DGKG: variants seen among roughly 807,000 people sequenced by gnomAD.
DGKG encodes the protein DAG kinase gamma.
In DGKG, 78 loss-of-function variants were observed where a neutral mutation model predicts 105.3. The observed-to-expected ratio is 0.74, with a 90% CI of 0.62 to 0.89. The LOEUF (loss-of-function observed/expected upper bound fraction) is 0.89. Ranked by LOEUF, DGKG falls within the 40% of genes least tolerant of loss-of-function variation. The pLI is 0.00. For synonymous variants in DGKG, 346 were observed against 367.1 expected, an observed-to-expected ratio of 0.94 and a Z score of 0.66; for missense variants, 958 against 1,020.1, an observed-to-expected ratio of 0.94 and a Z score of 0.83.
At chr3:186,309,887 G>A (rs1030111757) in intron 2 of DGKG, among the ~76,000 whole-genome samples, 58 of 151,546 alleles carry the variant, frequency 3.8e-4, no homozygotes, top group African/African-American at 9.0e-4. Flanking sequence ...TCATATGTTC[G>A]CATAAAATAA....
intron 21 of DGKG, among the ~76,000 whole-genome samples, chr3:186,198,067 G>A (rs2108508666): frequency 6.6e-6 from 1 of 152,306 alleles, no homozygotes; most frequent in Admixed American, 6.5e-5. Context: ...ACAGTTCCTG[G>A]CATGTCTTAC....
intron 2 of DGKG, chr3:186,313,652 C>T (rs1186558121): frequency 3.7e-6 from 1 of 266,794 alleles, no homozygotes; most frequent in African/African-American, 2.3e-5. Flanking sequence ...TACTGATTCA[C>T]AGTCTGCATT....
At chr3:186,243,009 A>C (rs571981630) in intron 19 of DGKG, among the ~76,000 whole-genome samples, 1 of 151,884 alleles carries the variant, frequency 6.6e-6, no homozygotes, top group African/African-American at 2.4e-5. Context: ...GAATATTTTG[A>C]CTCACAATTA....
At chr3:186,208,169 G>A (rs1162871811) in intron 21 of DGKG, among the ~76,000 whole-genome samples, 1 of 151,924 alleles carries the variant, frequency 6.6e-6, no homozygotes, top group Non-Finnish European at 1.5e-5. Context: ...AGCCTCCCAA[G>A]TAGCTGGTAT....
intron 10 of DGKG, among the ~76,000 whole-genome samples, chr3:186,272,689 C>G (rs949957650): frequency 6.6e-6 from 1 of 152,082 alleles, no homozygotes; most frequent in Admixed American, 6.5e-5. Flanking sequence ...ATTGCATGCC[C>G]GGGACATTGG....
chr3:186,285,074 A>T (rs1466251187), intron 6 of DGKG, among the ~76,000 whole-genome samples: 1 of 152,214 alleles, frequency 6.6e-6, no homozygotes, highest in Non-Finnish European at 1.5e-5. Context: ...TGAGCATAGA[A>T]AGTGTAGAGT....
Position 186,284,817 on chromosome 3 carries a change from A to C in DGKG, c.545-108T>G, listed in dbSNP as rs1372686233. On this transcript the variant is annotated intron_variant, in intron 6 of 24. Transcript: ENST00000265022. This position sits in a 1 kb window ranked among gnomAD's most constrained non-coding sequence, Gnocchi z 4.0. The stretch of plus-strand genomic sequence containing the variant: ...ATTAGTTCTGTCACCACTGTGACGA[A>C]GGTTATGGCAGCCAGCTCTCCCTCC... 1 of 860,336 alleles carries C rather than the reference A, an allele frequency of 1.2e-6. No homozygotes were observed. The highest frequency in any genetic ancestry group is 1.9e-6 in the Non-Finnish European group (1 of 520,054). 53.3% of individuals were successfully genotyped at this position (860,336 alleles called of 1,614,324 possible).
intron 20 of DGKG, 122 bp downstream of exon 20, chr3:186,242,382 T>C (rs1221341554): frequency 9.7e-6 from 7 of 721,392 alleles, no homozygotes; most frequent in Non-Finnish European, 1.5e-5. Flanking sequence ...TTCCGGCAAG[T>C]GGCAGGAAGG....
chr3:186,148,670 C>A lies in DGKG; in HGVS notation c.*1420G>T. Reference sequence around the variant, plus strand: ...AAGACACCATGGAAAAGTCTCTGAACTTTTCTGAGACTCAATTTTCTTATC... The same window carrying A: ...AAGACACCATGGAAAAGTCTCTGAAATTTTCTGAGACTCAATTTTCTTATC... On this transcript the variant is annotated 3_prime_UTR_variant, in exon 25 of 25. Transcript: ENST00000265022. 1 of 984,844 alleles carries A rather than the reference C, an allele frequency of 1.0e-6. No homozygotes were observed. The highest frequency in any genetic ancestry group is 1.2e-6 in the Non-Finnish European group (1 of 829,452). The allele number at this position is 984,844 out of a possible 1,614,324, so 61.0% of individuals were successfully genotyped here.
intron 8 of DGKG, 54 bp downstream of exon 8, chr3:186,280,616 C>T (rs375471488): frequency 5.8e-5 from 81 of 1,388,424 alleles, no homozygotes; most frequent in Non-Finnish European, 7.7e-5. Flanking sequence ...GAGTGTGTCC[C>T]CCTCCCGTCT....
chr3:186,149,591 C>T lies in DGKG; in HGVS notation c.*499G>A. Reference sequence around the variant, plus strand: ...CTGCTGAGCCCTGCCAAGGATTATGCTCTGAGAGCCGGAGGCCGTTTTGTC... The same window carrying T: ...CTGCTGAGCCCTGCCAAGGATTATGTTCTGAGAGCCGGAGGCCGTTTTGTC... On this transcript the variant is annotated 3_prime_UTR_variant, in exon 25 of 25. Transcript: ENST00000265022. The T allele has an allele frequency of 1.0e-6, 1 of 985,902 alleles. No homozygotes were observed. The highest frequency in any genetic ancestry group is 1.2e-6 in the Non-Finnish European group (1 of 830,084). 61.1% of individuals were successfully genotyped at this position (985,902 alleles called of 1,614,324 possible).
chr3:186,273,670 C>T (rs568066985), intron 10 of DGKG, among the ~76,000 whole-genome samples: 1 of 152,250 alleles, frequency 6.6e-6, no homozygotes, highest in Admixed American at 6.5e-5. Context: ...CCGCGCCAGG[C>T]CTGGCGGACC....
chr3:186,323,936 CA>C (rs35989455), intron 1 of DGKG, among the ~76,000 whole-genome samples: 25,396 of 72,092 alleles, frequency 0.35, 2,388 homozygotes, highest in Middle Eastern at 0.42. Flanking sequence ...GACTCCGTCT[CA>C]AAAAAAAAAA....
chr3:186,310,102 A>G (rs564182212), intron 2 of DGKG, among the ~76,000 whole-genome samples: 94 of 151,006 alleles, frequency 6.2e-4, no homozygotes, highest in Admixed American at 1.9e-3. Flanking sequence ...CCCCATCTCT[A>G]CTAAAAATAC....
chr3:186,205,257 CA>C (rs71164580), intron 21 of DGKG, among the ~76,000 whole-genome samples: 18,820 of 73,374 alleles, frequency 0.26, 1,066 homozygotes, highest in South Asian at 0.27. Context: ...AACTCCTTCT[CA>C]AAAAAAAAAA....
chr3:186,175,125 C>G (rs543512430), intron 22 of DGKG, among the ~76,000 whole-genome samples: 1 of 152,278 alleles, frequency 6.6e-6, no homozygotes, highest in South Asian at 2.1e-4. Flanking sequence ...CTCCTCAGGG[C>G]CTCAGTTTCC....
At chr3:186,336,097 A>T (rs1456588462) in intron 1 of DGKG, among the ~76,000 whole-genome samples, 1 of 152,146 alleles carries the variant, frequency 6.6e-6, no homozygotes, top group Non-Finnish European at 1.5e-5. Context: ...TGGGCAGCCC[A>T]CACCCAGTGA....
chr3:186,257,513 C>A (rs1292215109), intron 17 of DGKG, among the ~76,000 whole-genome samples: 2 of 152,152 alleles, frequency 1.3e-5, no homozygotes, highest in East Asian at 3.9e-4. Flanking sequence ...CTGGCCTTTA[C>A]CAACCCCAAA....
At chr3:186,157,260 TC>T (rs2108472613) in intron 24 of DGKG, among the ~76,000 whole-genome samples, 1 of 152,228 alleles carries the variant, frequency 6.6e-6, no homozygotes, top group Non-Finnish European at 1.5e-5. Flanking sequence ...ATCTATTTTA[TC>T]ATGTAGTTTT....
Sources: allele counts gnomAD v4.1 joint callset (sites outside exome capture counted in the v4.1 genomes callset), GRCh38; gene constraint gnomAD v4.1.1; non-coding constraint Gnocchi (gnomAD v3.1); transcripts MANE v1.5; gene names NCBI Gene and HGNC (gene_info 2026-07-23, HGNC 2026-07-21).